The following ARID4B variants were observed in gnomAD, a reference collection of about 807,000 sequenced individuals.
The protein encoded by ARID4B is AT-rich interaction domain 4B, also known as AT-rich interactive domain-containing protein 4B.
Under a neutral mutation model 147.5 loss-of-function variants are expected in ARID4B, and 26 were observed. The ratio of observed to expected loss-of-function variants is 0.18; its 90% CI spans 0.13 to 0.24. ARID4B has a LOEUF of 0.24. Among genes scored for constraint, ARID4B ranks in the 10% least tolerant of loss-of-function variants. The pLI is 1.00. For missense variants in ARID4B, 1,179 were observed against 1,511.5 expected (o/e 0.78, Z 3.65); for synonymous variants, 512 against 507.9 (o/e 1.01, Z -0.11).
intron 2 of ARID4B, among the ~76,000 whole-genome samples, chr1:235,306,855 G>A (rs778717074): frequency 1.1e-4 from 16 of 151,954 alleles, no homozygotes; most frequent in Non-Finnish European, 1.5e-4. Context: ...ACAGGGTTTC[G>A]CGATGTTGGC....
At position 235,183,976 on chromosome 1, in the gene ARID4B, G is replaced by C. The variant is rs111253694; in HGVS notation, c.2126-1183C>G. 1.3e-3 allele frequency among the ~76,000 whole-genome samples: 193 copies of C among 152,018 alleles called. 1 individual carries two copies. The highest frequency in any genetic ancestry group is 4.6e-3 in the African/African-American group (189 of 41,474). ...GTATTTTTTGTAGAGACAGGGTCTC[G>C]TCATGTTGCCAAGGCTGGTCTTGAA... is the stretch of plus-strand genomic sequence containing the variant. On this transcript the variant is annotated intron_variant, in intron 19 of 23. Transcript: ENST00000264183.
intron 23 of ARID4B, among the ~76,000 whole-genome samples, chr1:235,172,398 G>A (rs1015547477): frequency 2.0e-5 from 3 of 152,186 alleles, no homozygotes; most frequent in Middle Eastern, 3.4e-3. Flanking sequence ...TTGACATGGC[G>A]AAACCCTGTC....
chr1:235,323,309 G>A (rs1674980061), intron 2 of ARID4B, among the ~76,000 whole-genome samples: 1 of 151,878 alleles, frequency 6.6e-6, no homozygotes, highest in Non-Finnish European at 1.5e-5. Flanking sequence ...CCAAAGTACT[G>A]GGATTACAAG....
At chr1:235,223,392 T>TAC in intron 12 of ARID4B, 132 bp from the exon 13 acceptor site, 1 of 184,732 alleles carries the variant, frequency 5.4e-6, no homozygotes. Context: ...TACACGTATA[T>TAC]ATATGTGTGT....
At chr1:235,223,977 T>C (rs1007677425) in intron 12 of ARID4B, among the ~76,000 whole-genome samples, 1 of 152,168 alleles carries the variant, frequency 6.6e-6, no homozygotes, top group Non-Finnish European at 1.5e-5. Flanking sequence ...TCAAAGACAT[T>C]TTATATTGAA....
chr1:235,190,331 C>A (rs950486619), intron 19 of ARID4B, among the ~76,000 whole-genome samples: 1 of 152,098 alleles, frequency 6.6e-6, no homozygotes, highest in African/African-American at 2.4e-5. Flanking sequence ...CCCTGCAATC[C>A]CACCTACTCG....
At chr1:235,184,798 A>G (rs561455060) in intron 19 of ARID4B, among the ~76,000 whole-genome samples, 2 of 152,292 alleles carry the variant, frequency 1.3e-5, no homozygotes, top group African/African-American at 4.8e-5. Context: ...CTTACTATTC[A>G]TAATATACTA....
At chr1:235,206,385 T>C (rs1195370810) in intron 17 of ARID4B, among the ~76,000 whole-genome samples, 3 of 152,132 alleles carry the variant, frequency 2.0e-5, no homozygotes, top group African/African-American at 7.2e-5. Context: ...CCAGATCAAA[T>C]TCCTTTGGCT....
Position 235,176,437 on chromosome 1 carries a change from C to CAAAAAAAA in ARID4B, c.3449-1046_3449-1039dup, listed in dbSNP as rs34808765. Among the ~76,000 whole-genome samples the CAAAAAAAA allele has an allele frequency of 1.2e-3, 26 of 22,532 alleles. 4 individuals are homozygous for CAAAAAAAA. Among genetic ancestry groups the CAAAAAAAA allele is most frequent in the African/African-American group, 1.9e-3 (19 of 10,072 alleles). 14.8% of individuals were successfully genotyped at this position (22,532 alleles called of 152,430 possible). A position where few individuals can be genotyped will look rare whatever the true frequency, so the allele number is the denominator to read the frequency against. ...CTGATTTTTCACTTAACAACATCACCAAAAAAAAAAAAAAAAAAAAAAAAA... is the reference window on the plus strand; with the variant it reads ...CTGATTTTTCACTTAACAACATCACCAAAAAAAAAAAAAAAAAAAAAAAAAAAAAAAAA... On this transcript the variant is annotated intron_variant, in intron 21 of 23. Transcript: ENST00000264183.
chr1:235,194,430 C>T (rs773330293), intron 18 of ARID4B, among the ~76,000 whole-genome samples: 2 of 152,004 alleles, frequency 1.3e-5, no homozygotes, highest in Non-Finnish European at 2.9e-5. Context: ...ACTTTAATAA[C>T]GGGAATCAAA....
chr1:235,219,885 A>G lies in ARID4B; in HGVS notation c.1491T>C (p.Asn497=). ...KEVNIKKPED[N]ENLDDKDDDT... is the part of the protein sequence containing the mutation. ...CATCATCTTTGTCATCCAGATTTTC[A>G]TTGTCTTCTGGTTTTTTAATGTTAA... Residue 497 remains asparagine (N), a synonymous_variant, in exon 16 of 24, where the codon AAT becomes AAC. Transcript: ENST00000264183. The G allele has an allele frequency of 6.2e-7, 1 of 1,602,584 alleles. No homozygotes were observed. The highest frequency in any genetic ancestry group is 8.5e-7 in the Non-Finnish European group (1 of 1,171,972).
chr1:235,209,810 C>T (rs933589009), intron 17 of ARID4B, among the ~76,000 whole-genome samples: 3 of 152,022 alleles, frequency 2.0e-5, no homozygotes, highest in Non-Finnish European at 4.4e-5. Context: ...GTGATCTGCC[C>T]GCCTCGGCCT....
chr1:235,312,714 C>A (rs1674150222), intron 2 of ARID4B, among the ~76,000 whole-genome samples: 1 of 152,268 alleles, frequency 6.6e-6, no homozygotes, highest in South Asian at 2.1e-4. Context: ...TGGCTCCCAC[C>A]TGTAATCCTA....
intron 2 of ARID4B, among the ~76,000 whole-genome samples, chr1:235,287,088 T>C (rs1256206337): frequency 6.6e-6 from 1 of 152,086 alleles, no homozygotes; most frequent in African/African-American, 2.4e-5. Flanking sequence ...GGTGAAACCC[T>C]GTCTCTACTA....
At chr1:235,281,339 TAAG>T (rs1671657523) in intron 2 of ARID4B, among the ~76,000 whole-genome samples, 9 of 151,894 alleles carry the variant, frequency 5.9e-5, no homozygotes. Flanking sequence ...TCACCTGAGG[TAAG>T]GAGTTCAAGA....
At chr1:235,221,686 A>C in intron 13 of ARID4B, 24 bp from the exon 14 acceptor site, 1 of 1,358,708 alleles carries the variant, frequency 7.4e-7, no homozygotes, top group Non-Finnish European at 1.0e-6. Context: ...TGAAACAAAA[A>C]CTCTCAAATT....
chr1:235,217,493 G>A (rs1216757636), intron 16 of ARID4B, among the ~76,000 whole-genome samples: 2 of 151,972 alleles, frequency 1.3e-5, no homozygotes, highest in African/African-American at 4.8e-5. Flanking sequence ...TCATATTTTA[G>A]AGAAGAATAT....
In ARID4B at chr1:235,255,536, A is replaced by C. The variant is rs533116462; in HGVS notation, c.274+124T>G. ...ATTTTTAAAAGATGTGGAAAGATAA[A>C]ATCCAGTAACAGTAATAATATCTAG... On this transcript the variant is annotated intron_variant, in intron 5 of 23. Coordinates refer to ENST00000264183, the MANE Select transcript of ARID4B (RefSeq NM_016374.6). 746 of 579,058 alleles carry C rather than the reference A, an allele frequency of 1.3e-3. 1 individual carries two copies. Among genetic ancestry groups the C allele is most frequent in the Non-Finnish European group, 1.6e-3 (553 of 344,644 alleles). 35.9% of individuals were successfully genotyped at this position (579,058 alleles called of 1,614,324 possible). A position where few individuals can be genotyped will look rare whatever the true frequency, so the allele number is the denominator to read the frequency against.
At chr1:235,241,073 A>G (rs2103072735) in intron 7 of ARID4B, among the ~76,000 whole-genome samples, 1 of 152,338 alleles carries the variant, frequency 6.6e-6, no homozygotes, top group South Asian at 2.1e-4. Context: ...AGTAAATTAG[A>G]AAGATAACTG....
Sources: gnomAD v4.1 joint callset for allele counts (sites outside exome capture counted in the v4.1 genomes callset) on GRCh38, gnomAD v4.1.1 for gene constraint, MANE v1.5 for transcripts, NCBI Gene and HGNC (gene_info 2026-07-23, HGNC 2026-07-21) for gene names.